GNL3L: variants seen among roughly 807,000 people sequenced by gnomAD.
GNL3L encodes the protein G protein nucleolar 3 like, also known as guanine nucleotide-binding protein-like 3-like protein.
In GNL3L, 4 loss-of-function variants were observed where a neutral mutation model predicts 42.9. That is an observed-to-expected ratio of 0.09 (90% confidence interval 0.05 to 0.21). GNL3L has a LOEUF of 0.21. Among genes scored for constraint, GNL3L ranks in the 10% least tolerant of loss-of-function variants. The pLI is 1.00. For missense variants in GNL3L, 412 were observed against 481.7 expected (o/e 0.86, Z 1.36); for synonymous variants, 159 against 176.3 (o/e 0.90, Z 0.78).
At position 54,561,233 on chromosome X, in the gene GNL3L, ACT is replaced by A. The variant is rs1397619290; in HGVS notation, c.*636_*637del. Among the ~76,000 whole-genome samples the A allele has an allele frequency of 4.5e-5, 5 of 111,240 alleles. No individual in the cohort carries two copies. The highest frequency in any genetic ancestry group is 4.6e-3 in the Middle Eastern group (1 of 219). On this transcript the variant is annotated 3_prime_UTR_variant, in exon 16 of 16. Coordinates refer to ENST00000360845, the MANE Select transcript of GNL3L (RefSeq NM_001184819.2). ...TGACCTACAAAACTCTGCCTACAAA[ACT>A]CTCTTAGACAGGTGAATATGCCACT... is the stretch of plus-strand genomic sequence containing the variant.
intron 13 of GNL3L, among the ~76,000 whole-genome samples, chrX:54,554,131 G>A (rs749077665): frequency 1.8e-5 from 2 of 110,884 alleles, no homozygotes; most frequent in African/African-American, 3.3e-5. Context: ...TGAGGGTAGT[G>A]GGGCACAGGG....
At position 54,552,362 on chromosome X, in the gene GNL3L, G is replaced by A. The variant is rs756862975; in HGVS notation, c.1252G>A (p.Val418Ile). The change falls in exon 13 of 16, where the codon GTT becomes ATT. Residue 418 changes from valine (V) to isoleucine (I), a missense_variant. Coordinates refer to ENST00000360845, the MANE Select transcript of GNL3L (RefSeq NM_001184819.2). ...TLPTHLSAEI[V>I]KEMTEVFDIE... is the part of the protein sequence containing the mutation. ...GCCCACCCATCTCAGTGCTGAGATC[G>A]TTAAGGAAATGACCGAGGTCTTTGA... 2.5e-6 allele frequency: 3 copies of A among 1,207,809 alleles called. No homozygotes were observed. Among genetic ancestry groups the A allele is most frequent in the African/African-American group, 1.7e-5 (1 of 57,702 alleles).
chrX:54,605,042 G>C (rs1384644460), intron 16 of GNL3L, among the ~76,000 whole-genome samples: 1 of 110,912 alleles, frequency 9.0e-6, no homozygotes, highest in Non-Finnish European at 1.9e-5. Flanking sequence ...TTCTGAGAGG[G>C]GACAGAGGAG....
chrX:54,590,817 TATTC>T (rs770645508), intron 16 of GNL3L, among the ~76,000 whole-genome samples: 8 of 110,350 alleles, frequency 7.2e-5, no homozygotes, highest in African/African-American at 1.3e-4. Flanking sequence ...TTTATTTATT[TATTC>T]ATTCATTCAT....
intron 16 of GNL3L, among the ~76,000 whole-genome samples, chrX:54,594,679 G>A (rs1376166259): frequency 3.6e-5 from 4 of 110,140 alleles, no homozygotes; most frequent in Non-Finnish European, 7.6e-5. Flanking sequence ...TTGTTTTGTG[G>A]TGTTCTTTCC....
the GNL3L span, among the ~76,000 whole-genome samples, chrX:54,641,780 T>C: frequency 1.8e-5 from 2 of 111,395 alleles, no homozygotes; most frequent in East Asian, 5.7e-4. Flanking sequence ...GCCAGTTAGT[T>C]GTGGGGAGCT....
intron 16 of GNL3L, among the ~76,000 whole-genome samples, chrX:54,587,805 C>T (rs748511294): frequency 3.7e-4 from 41 of 110,250 alleles, no homozygotes; most frequent in Admixed American, 1.4e-3. Context: ...CTCACCCTCC[C>T]GAGTAGCTGG....
chrX:54,606,995 CCTTTCTTTCTTTCTTTCTTT>C lies in GNL3L; in HGVS notation c.*46-13791_*46-13772del, dbSNP rs56807107. ...GATTTTTCTTTCTTTCCTTTCCTTT[CCTTTCTTTCTTTCTTTCTTT>C]CTTTCTTTCTTTCTTTCTTTCTTTC... On this transcript the variant is annotated intron_variant, in intron 16 of 16. Transcript: ENST00000674498. 7.3e-3 allele frequency among the ~76,000 whole-genome samples: 203 copies of C among 27,978 alleles called. 4 individuals are homozygous for C. Among genetic ancestry groups the C allele is most frequent in the Admixed American group, 0.012 (32 of 2,678 alleles). The allele number at this position is 27,978 out of a possible 115,157, so 24.3% of individuals were successfully genotyped here. A position where few individuals can be genotyped will look rare whatever the true frequency, so the allele number is the denominator to read the frequency against.
chrX:54,575,087 C>CT (rs1190150764), intron 16 of GNL3L, among the ~76,000 whole-genome samples: 3 of 111,520 alleles, frequency 2.7e-5, no homozygotes, highest in African/African-American at 9.8e-5. Context: ...TTGACTTTCT[C>CT]TATTGTTATT....
the GNL3L span, among the ~76,000 whole-genome samples, chrX:54,632,856 C>A: frequency 9.0e-6 from 1 of 111,279 alleles, no homozygotes; most frequent in East Asian, 2.8e-4. Flanking sequence ...GTCATATTAC[C>A]AGAAATGTTT....
At chrX:54,532,735 A>G in intron 2 of GNL3L, 150 bp downstream of exon 2, 1 of 539,713 alleles carries the variant, frequency 1.9e-6, no homozygotes, top group Non-Finnish European at 3.3e-6. Context: ...ATCTCAGTTC[A>G]CTGCAACCTC....
the GNL3L span, among the ~76,000 whole-genome samples, chrX:54,639,524 G>A: frequency 8.9e-6 from 1 of 112,062 alleles, no homozygotes. Flanking sequence ...AAAAGAGTCG[G>A]AAAGGGGCGT....
Position 54,550,642 on chromosome X carries a change from C to T in GNL3L, c.776-321C>T, listed in dbSNP as rs748587090. Among the ~76,000 whole-genome samples, 4 of 111,954 alleles carry T rather than the reference C, an allele frequency of 3.6e-5. No homozygotes were observed. The South Asian group carries it at 1.5e-3, about 43-fold the overall frequency. On this transcript the variant is annotated intron_variant, in intron 9 of 15. Coordinates refer to ENST00000360845, the MANE Select transcript of GNL3L (RefSeq NM_001184819.2). ...GTTGTTCTCTGTTTCTTAGACATTTCTCGATGTCCACCTTCTGTTGGATTG... is the reference window on the plus strand; with the variant it reads ...GTTGTTCTCTGTTTCTTAGACATTTTTCGATGTCCACCTTCTGTTGGATTG...
the GNL3L span, among the ~76,000 whole-genome samples, chrX:54,642,165 G>A: frequency 3.6e-5 from 4 of 111,533 alleles, no homozygotes; most frequent in African/African-American, 1.3e-4. Context: ...TTGCACTTCG[G>A]CCCTCTGAGG....
At chrX:54,616,925 T>C (rs751217668) in intron 16 of GNL3L, among the ~76,000 whole-genome samples, 2 of 112,533 alleles carry the variant, frequency 1.8e-5, no homozygotes, top group East Asian at 5.5e-4. Context: ...AAGTTTCTTA[T>C]AGAAATCTGA....
chrX:54,547,283 A>G, intron 8 of GNL3L, among the ~76,000 whole-genome samples: 1 of 111,237 alleles, frequency 9.0e-6, no homozygotes, highest in Admixed American at 9.6e-5. Flanking sequence ...GGAATGAGCC[A>G]CAGCACCCGG....
rs1346987045 is a variant in GNL3L at position 54,564,783 on chromosome X, G to T, written c.*4181G>T. Among the ~76,000 whole-genome samples, 1 of 86,099 alleles carries T rather than the reference G, an allele frequency of 1.2e-5. No homozygotes were observed. Among genetic ancestry groups the T allele is most frequent in the Admixed American group, 1.3e-4 (1 of 7,680 alleles). The allele number at this position is 86,099 out of a possible 115,157, so 74.8% of individuals were successfully genotyped here. ...GAGTCTCACTCTTTCACTGAGGCTG[G>T]AGTGCAGTGGCGTGATCTTGGCTCA... is the stretch of plus-strand genomic sequence containing the variant. On this transcript the variant is annotated 3_prime_UTR_variant, in exon 16 of 16. Transcript: ENST00000360845.
At chrX:54,625,304 T>A (rs1926346882), downstream of GNL3L, among the ~76,000 whole-genome samples, 1 of 109,311 alleles carries the variant, frequency 9.1e-6, no homozygotes, top group African/African-American at 3.3e-5. Context: ...TTTTTTTTTT[T>A]AATAAATGCC....
the GNL3L span, among the ~76,000 whole-genome samples, chrX:54,627,432 TTTTG>T: frequency 1.8e-5 from 2 of 111,688 alleles, no homozygotes; most frequent in South Asian, 3.7e-4. Flanking sequence ...GATTTATCAA[TTTTG>T]TTTATCTTTT....
Sources: allele counts gnomAD v4.1 joint callset (sites outside exome capture counted in the v4.1 genomes callset), GRCh38; gene constraint gnomAD v4.1.1; transcripts MANE v1.5; gene names NCBI Gene and HGNC (gene_info 2026-07-23, HGNC 2026-07-21).